Variants in PLEC observed in about 807,000 individuals in gnomAD.
PLEC encodes the protein hemidesmosomal protein 1.
A neutral mutation model predicts 392.8 loss-of-function variants in PLEC; 216 were observed. The ratio of observed to expected loss-of-function variants is 0.55; its 90% confidence interval spans 0.49 to 0.62. PLEC has a LOEUF of 0.62. Among genes scored for constraint, PLEC ranks in the 20% least tolerant of loss-of-function variants. The pLI is 0.00. For synonymous variants in PLEC, 3,621 were observed against 2,980.6 expected (o/e 1.21, Z -7.00); for missense variants, 6,863 against 6,563.4 (o/e 1.05, Z -1.58).
Position 143,922,696 on chromosome 8 carries a change from C to T in PLEC, c.7233G>A (p.Glu2411=), listed in dbSNP as rs1554690201. Residue 2411 remains glutamate (E), a synonymous_variant, in exon 31 of 32, where the codon GAG becomes GAA. Transcript: ENST00000345136. Reference sequence around the variant, plus strand: ...TGCGGTGCAGCTTCTCACCGATCTCCTCCGCCTGCTTCCGGAAGCGCTGGG... The same window carrying T: ...TGCGGTGCAGCTTCTCACCGATCTCTTCCGCCTGCTTCCGGAAGCGCTGGG... ...EDAQRFRKQA[E]EIGEKLHRTE... is the part of the protein sequence containing the mutation. 1.2e-6 allele frequency: 2 copies of T among 1,612,884 alleles called. No homozygotes were observed. The highest frequency in any genetic ancestry group is 2.2e-5 in the East Asian group (1 of 44,860).
In PLEC at chr8:143,917,770, G is replaced by C; in HGVS notation, c.12051C>G (p.Pro4017=). ...AGAGGGAGATGAGCTTCCCAGAGTA[G>C]GGGTCCTTGTACCCAGTGACGGCGC... The part of the protein sequence containing the change: ...AERAVTGYKD[P]YSGKLISLFQ... Residue 4017 remains proline, a synonymous_variant, in exon 32 of 32, where the codon CCC becomes CCG. Coordinates refer to ENST00000345136, the MANE Select transcript of PLEC (RefSeq NM_201384.3). The C allele has an allele frequency of 6.2e-7, 1 of 1,613,596 alleles. No homozygotes were observed. The highest frequency in any genetic ancestry group is 1.3e-5 in the African/African-American group (1 of 75,048).
Position 143,939,547 on chromosome 8 carries a change from G to C in PLEC, c.-86C>G, listed in dbSNP as rs1830019438. 5.2e-6 allele frequency: 8 copies of C among 1,539,766 alleles called. No homozygotes were observed. The highest frequency in any genetic ancestry group is 1.4e-5 in the African/African-American group (1 of 73,070). On this transcript the variant is annotated 5_prime_UTR_variant, in exon 1 of 32. Coordinates refer to ENST00000345136, the MANE Select transcript of PLEC (RefSeq NM_201384.3). ...CCGTGTGGCACACAGGCAGCTGAAG[G>C]CTGGCGGCCCCACGAGACGCTCACT...
At chr8:143,950,166 G>A (rs1554734856) in intron 1 of PLEC, 3 of 1,489,634 alleles carry the variant, frequency 2.0e-6, no homozygotes, top group Middle Eastern at 1.8e-4. Flanking sequence ...CATGACTTGG[G>A]GTCAGGGTGC....
chr8:143,969,912 G>A lies in PLEC; in HGVS notation c.70+3491C>T, dbSNP rs777653587. 1.3e-5 allele frequency among the ~76,000 whole-genome samples: 2 copies of A among 151,870 alleles called. No homozygotes were observed. Among genetic ancestry groups the A allele is most frequent in the Non-Finnish European group, 2.9e-5 (2 of 67,938 alleles). On this transcript the variant is annotated intron_variant, in intron 1 of 31. Coordinates refer to the PLEC transcript ENST00000356346. This position sits in a 1 kb window ranked among gnomAD's most constrained non-coding sequence, Gnocchi z 5.1. ...GTGGGGCAGGGGCCAGGGGTGGGAGGCCTGCATTGGTCTGGGGGAAAAGCG... is the reference window on the plus strand; with the variant it reads ...GTGGGGCAGGGGCCAGGGGTGGGAGACCTGCATTGGTCTGGGGGAAAAGCG...
intron 1 of PLEC, among the ~76,000 whole-genome samples, chr8:143,972,785 G>A (rs1031078635): frequency 5.9e-5 from 9 of 152,226 alleles, no homozygotes; most frequent in African/African-American, 1.4e-4. Flanking sequence ...CCCCGTGGGC[G>A]TGGACTAGGG....
In PLEC at chr8:143,917,206, G is replaced by A. The variant is rs202116866; in HGVS notation, c.12615C>T (p.Ile4205=). The A allele has an allele frequency of 2.8e-4, 448 of 1,612,908 alleles. 1 individual carries two copies. The highest frequency in any genetic ancestry group is 2.4e-4 in the Non-Finnish European group (289 of 1,179,670). The part of the protein sequence containing the change: ...IDRRSGRQYD[I]DDAIAKNLID... ...TGAGGTTCTTGGCGATGGCATCATC[G>A]ATGTCGTACTGGCGCCCGGAGCGGC... The change falls in exon 32 of 32, where the codon ATC becomes ATT. Residue 4205 remains isoleucine, a synonymous_variant. Coordinates refer to ENST00000345136, the MANE Select transcript of PLEC (RefSeq NM_201384.3).
Position 143,920,614 on chromosome 8 carries a change from G to A in PLEC, c.9207C>T (p.Asp3069=). 1 of 1,608,248 alleles carries A rather than the reference G, an allele frequency of 6.2e-7. No individual in the cohort carries two copies. Reference sequence around the variant, plus strand: ...CGGTCAGCCGGGCGCTGGTGGCGGGGTCGATGATGTGCCCGGTGCCGGCCT... The same window carrying A: ...CGGTCAGCCGGGCGCTGGTGGCGGGATCGATGATGTGCCCGGTGCCGGCCT... ...EAQAGTGHII[D]PATSARLTVD... The change falls in exon 32 of 32, where the codon GAC becomes GAT. Residue 3069 remains aspartate, a synonymous_variant. Transcript: ENST00000345136.
At chr8:143,976,745 T>A (rs1833679706), upstream of PLEC, 1 of 148,046 alleles carries the variant, frequency 6.8e-6, no homozygotes, top group South Asian at 2.4e-4. Context: ...GCAGCCAGAC[T>A]GCTCGGGCCG....
chr8:143,930,652 A>G (rs1170678801), intron 19 of PLEC, 116 bp from the exon 20 acceptor site: 1 of 1,065,596 alleles, frequency 9.4e-7, no homozygotes. Context: ...CCGGGGTGGC[A>G]GCACTTGGAA....
upstream of PLEC, chr8:143,950,914 CCCTGCCGGCACTGCCGGCTG>C: frequency 9.1e-7 from 1 of 1,095,632 alleles, no homozygotes; most frequent in South Asian, 1.7e-5. Flanking sequence ...TCCGTGCAAT[CCCTGCCGGCACTGCCGGCTG>C]CCCGCCTTCC....
Position 143,918,896 on chromosome 8 carries a change from T to C in PLEC, c.10925A>G (p.Tyr3642Cys), listed in dbSNP as rs782531580. ...IRQQGLASYD[Y>C]VRRRLTAEDL... ...CTCAGCCGTGAGGCGGCGGCGCACG[T>C]AGTCGTAGGAGGCCAGACCCTGCTG... The change falls in exon 32 of 32, where the codon TAC becomes TGC. Residue 3642 changes from tyrosine (Y) to cysteine (C), a missense_variant. Physicochemically the swap from Tyr to Cys is radical, Grantham distance 194. Transcript: ENST00000345136. 1.0e-4 allele frequency: 165 copies of C among 1,611,854 alleles called. No individual in the cohort carries two copies. Among genetic ancestry groups the C allele is most frequent in the Non-Finnish European group, 1.4e-4 (160 of 1,180,002 alleles).
At chr8:143,925,990 G>A in intron 30 of PLEC, 106 bp from the exon 31 acceptor site, 3 of 1,279,398 alleles carry the variant, frequency 2.3e-6, no homozygotes, top group Non-Finnish European at 3.3e-6. Context: ...GCGGAGCAGG[G>A]GTCGGGGAAG....
chr8:143,924,101 T>TCCAGCG lies in PLEC; in HGVS notation c.5827_5828insCGCTGG (p.Ala1942_Glu1943insAlaLeu), dbSNP rs1404837294. 6.3e-7 allele frequency: 1 copy of TCCAGCG among 1,598,560 alleles called. No homozygotes were observed. The highest frequency in any genetic ancestry group is 1.7e-5 in the Admixed American group (1 of 59,940). ...GATGCGTCCCAGCTCCAGCTCCAGC[T>TCCAGCG]CCGCCTTGCCAGCGGCCGCCTTCTC... is the stretch of plus-strand genomic sequence containing the variant. On this transcript the variant is annotated inframe_insertion, in exon 31 of 32. Coordinates refer to ENST00000345136, the MANE Select transcript of PLEC (RefSeq NM_201384.3).
intron 1 of PLEC, among the ~76,000 whole-genome samples, chr8:143,971,121 G>A (rs1303268898): frequency 2.0e-5 from 3 of 152,212 alleles, no homozygotes; most frequent in South Asian, 2.1e-4. Context: ...AGGGAATGAC[G>A]TGTCCAGGGG....
chr8:143,927,396 C>CG lies in PLEC; in HGVS notation c.3756+13dup. 1 of 1,607,526 alleles carries CG rather than the reference C, an allele frequency of 6.2e-7. No individual in the cohort carries two copies. Among genetic ancestry groups the CG allele is most frequent in the Non-Finnish European group, 8.5e-7 (1 of 1,179,314 alleles). On this transcript the variant is annotated intron_variant, in intron 27 of 31. Transcript: ENST00000345136. ...GCACGCCCAGCCGCCCCGTCCCCAC[C>CG]GACCCAAGCCCACCTGCTCCTGCCG...
chr8:143,950,650 G>A (rs1554735827), exon 1 of PLEC: 5 of 1,589,370 alleles, frequency 3.1e-6, no homozygotes, highest in East Asian at 2.3e-5. Context: ...CCTCGCGGAA[G>A]AGCACCTCAT....
rs1329359735 is a variant in PLEC, at chr8:143,917,279, A to C, written c.12542T>G (p.Ile4181Ser). The change falls in exon 32 of 32, where the codon ATC (isoleucine) becomes AGC (serine). Residue 4181 changes from isoleucine (I) to serine (S), a missense_variant. Ile to Ser is a moderately radical substitution (Grantham distance 142, BLOSUM62 -2). Transcript: ENST00000345136. ...LSEQECEWEE[I>S]TISSSDGVVK... ...CACGCCGTCCGAGGAGGAGATGGTG[A>C]TCTCCTCCCACTCGCACTCCTGCTC... The C allele has an allele frequency of 6.2e-7, 1 of 1,609,710 alleles. No homozygotes were observed. The highest frequency in any genetic ancestry group is 2.2e-5 in the East Asian group (1 of 44,770).
intron 3 of PLEC, chr8:143,937,865 C>T (rs957583202): frequency 6.0e-5 from 37 of 620,184 alleles, no homozygotes; most frequent in African/African-American, 4.7e-4. Context: ...CAAAGCAAAG[C>T]GGAGCATGAG....
chr8:143,944,103 C>A, upstream of PLEC: 1 of 640,406 alleles, frequency 1.6e-6, no homozygotes, highest in Non-Finnish European at 2.6e-6. Context: ...CGGCCCTCGG[C>A]GCCTCCCCAC....
Sources: gnomAD v4.1 joint callset for allele counts (sites outside exome capture counted in the v4.1 genomes callset) on GRCh38, gnomAD v4.1.1 for gene constraint, Gnocchi (gnomAD v3.1) non-coding constraint, MANE v1.5 for transcripts, NCBI Gene and HGNC (gene_info 2026-07-23, HGNC 2026-07-21) for gene names.